The following ZNF568 variants were observed in gnomAD, a reference collection of about 807,000 sequenced individuals.
ZNF568 encodes p53 inhibitor of SCO2 activation.
Under a neutral mutation model 18.1 loss-of-function variants are expected in ZNF568, and 11 were observed. The observed-to-expected ratio is 0.61, with a 90% confidence interval of 0.38 to 1.00. ZNF568 has a LOEUF of 1.00. ZNF568 is among the 50% of genes least tolerant of loss of function. ZNF568 has a pLI of 0.01. For missense variants in ZNF568, 639 were observed against 768.2 expected, an observed-to-expected ratio of 0.83 and a Z score of 1.99; for synonymous variants, 213 against 246.6, an observed-to-expected ratio of 0.86 and a Z score of 1.28.
chr19:36,962,172 T>G (rs2146323764), intron 6 of ZNF568, among the ~76,000 whole-genome samples: 1 of 150,920 alleles, frequency 6.6e-6, no homozygotes, highest in Non-Finnish European at 1.5e-5. Context: ...CTTGGTAGAT[T>G]TCTGTAGTAG....
chr19:36,980,204 C>T (rs1802508645), downstream of ZNF568: 1 of 152,120 alleles, frequency 6.6e-6, no homozygotes, highest in South Asian at 2.1e-4. Context: ...TAGATATTCT[C>T]AATTTTAATG....
At chr19:36,978,980 A>ATT (rs2074307680) in intron 7 of ZNF568, 4 of 326,094 alleles carry the variant, frequency 1.2e-5, no homozygotes, top group African/African-American at 2.6e-5. Flanking sequence ...TATTGTAACT[A>ATT]TCTTTTTTTT....
chr19:36,958,616 C>CTTTCTTTTTTTTTTTTTTTTTT (rs773667287), intron 6 of ZNF568, among the ~76,000 whole-genome samples: 2 of 99,128 alleles, frequency 2.0e-5, no homozygotes, highest in African/African-American at 4.5e-5. Context: ...CTTTTTCTTT[C>CTTTCTTTTTTTTTTTTTTTTTT]TTTTTTTTTT....
At chr19:36,929,664 G>A (rs868604454) in intron 4 of ZNF568, among the ~76,000 whole-genome samples, 42 of 144,336 alleles carry the variant, frequency 2.9e-4, no homozygotes, top group Middle Eastern at 7.1e-3. Flanking sequence ...CAGCCTGGGC[G>A]ACAGAGCAAG....
At chr19:36,933,924 G>GTTTTTTTTTTTT (rs140279289) in intron 4 of ZNF568, among the ~76,000 whole-genome samples, 16 of 29,908 alleles carry the variant, frequency 5.3e-4, no homozygotes, top group African/African-American at 1.1e-3. Flanking sequence ...TTGTTTTTTT[G>GTTTTTTTTTTTT]TTTTTTTTTT....
At chr19:36,958,468 G>C (rs1453920333) in intron 6 of ZNF568, among the ~76,000 whole-genome samples, 1 of 151,884 alleles carries the variant, frequency 6.6e-6, no homozygotes, top group East Asian at 1.9e-4. Flanking sequence ...TGGATTGTCT[G>C]TTTATTCTTG....
chr19:36,931,604 G>C (rs1471969702), intron 4 of ZNF568: 1 of 152,158 alleles, frequency 6.6e-6, no homozygotes, highest in Non-Finnish European at 1.5e-5. Flanking sequence ...CTGGCCTCAA[G>C]CAGTCCTCCT....
chr19:36,930,362 A>G (rs2073665735), intron 4 of ZNF568, among the ~76,000 whole-genome samples: 1 of 151,832 alleles, frequency 6.6e-6, no homozygotes, highest in African/African-American at 2.4e-5. Context: ...GACGCTCGCC[A>G]CCACACCCGG....
chr19:36,961,319 A>G (rs2074148115), intron 6 of ZNF568, among the ~76,000 whole-genome samples: 1 of 145,058 alleles, frequency 6.9e-6, no homozygotes, highest in East Asian at 2.0e-4. Flanking sequence ...AAACTCTTTA[A>G]TCTATTAGAA....
In ZNF568 at chr19:36,952,244, AC is replaced by A; in HGVS notation, c.*1158del. 1 of 181,874 alleles carries A rather than the reference AC, an allele frequency of 5.5e-6. No individual in the cohort carries two copies. The highest frequency in any genetic ancestry group is 1.0e-5 in the Non-Finnish European group (1 of 95,584). 11.3% of individuals were successfully genotyped at this position (181,874 alleles called of 1,614,324 possible). On this transcript the variant is annotated 3_prime_UTR_variant, in exon 7 of 7. Coordinates refer to ENST00000333987, the MANE Select transcript of ZNF568 (RefSeq NM_198539.4). ...GATAACTTGAGGTCAGGAGTTCAAGACCAGCCTGGGAAACATAGCAAGACCC... is the reference window on the plus strand; with the variant it reads ...GATAACTTGAGGTCAGGAGTTCAAGACAGCCTGGGAAACATAGCAAGACCC...
chr19:36,924,841 A>AG (rs2073524756), intron 3 of ZNF568, among the ~76,000 whole-genome samples: 1 of 151,728 alleles, frequency 6.6e-6, no homozygotes, highest in African/African-American at 2.4e-5. Flanking sequence ...AAAAAAAAAA[A>AG]GAAAAAAAAA....
At chr19:36,945,579 C>T (rs1032016446) in intron 6 of ZNF568, among the ~76,000 whole-genome samples, 2 of 152,090 alleles carry the variant, frequency 1.3e-5, no homozygotes, top group Non-Finnish European at 2.9e-5. Flanking sequence ...TTCTGGTCAA[C>T]AGTAGGCTAT....
At chr19:36,937,828 T>G (rs2073815696) in intron 6 of ZNF568, among the ~76,000 whole-genome samples, 1 of 152,194 alleles carries the variant, frequency 6.6e-6, no homozygotes, top group African/African-American at 2.4e-5. Flanking sequence ...TCCTTTAATT[T>G]TTTTGAAACT....
chr19:36,984,190 C>G (rs1399317332), downstream of ZNF568, among the ~76,000 whole-genome samples: 1 of 152,286 alleles, frequency 6.6e-6, no homozygotes, highest in African/African-American at 2.4e-5. Flanking sequence ...TGAGCCACCG[C>G]ACCTGGCGAC....
chr19:36,944,341 T>G (rs2073929615), intron 6 of ZNF568, among the ~76,000 whole-genome samples: 1 of 150,952 alleles, frequency 6.6e-6, no homozygotes, highest in Non-Finnish European at 1.5e-5. Context: ...GAGGTTTTGG[T>G]GAGCCGAGAT....
At chr19:36,983,911 T>TTTTG (rs1300895800), downstream of ZNF568, among the ~76,000 whole-genome samples, 2,281 of 144,504 alleles carry the variant, frequency 0.016, 78 homozygotes, top group African/African-American at 0.057. Flanking sequence ...TTTTTTTTTT[T>TTTTG]TTGTTGAGAC....
At chr19:36,940,194 A>G (rs1398924942) in intron 6 of ZNF568, among the ~76,000 whole-genome samples, 1 of 152,254 alleles carries the variant, frequency 6.6e-6, no homozygotes, top group African/African-American at 2.4e-5. Flanking sequence ...TTAACTCTAG[A>G]AATGACAGCA....
At chr19:36,978,260 G>A (rs1004085425) in intron 7 of ZNF568, among the ~76,000 whole-genome samples, 1 of 152,240 alleles carries the variant, frequency 6.6e-6, no homozygotes, top group Non-Finnish European at 1.5e-5. Context: ...TAATGTTGGA[G>A]TAAAGTGGTG....
rs760866775 is a variant in ZNF568 at position 36,996,640 on chromosome 19, G to A, written c.553G>A (p.Glu185Lys). 37 of 1,535,158 alleles carry A rather than the reference G, an allele frequency of 2.4e-5. No homozygotes were observed. In the East Asian group the frequency reaches 7.1e-4, roughly 29 times the overall value. Reference sequence around the variant, plus strand: ...TAAGGAAAAAGAACCTGAATGTGGAGAATGTAGGAAAATCTTTAATAGTGG... The same window carrying A: ...TAAGGAAAAAGAACCTGAATGTGGAAAATGTAGGAAAATCTTTAATAGTGG... Residue 185 changes from glutamate (E) to lysine (K), a missense_variant, in exon 5 of 5, where the codon GAA becomes AAA. Transcript: ENST00000433993.
Sources: gnomAD v4.1 joint callset for allele counts (sites outside exome capture counted in the v4.1 genomes callset) on GRCh38, gnomAD v4.1.1 for gene constraint, MANE v1.5 for transcripts, NCBI Gene and HGNC (gene_info 2026-07-23, HGNC 2026-07-21) for gene names.